The following NRG3 variants were observed in gnomAD, a reference collection of about 807,000 sequenced individuals.
NRG3 encodes the protein neuregulin 3.
NRG3 carries 31 observed loss-of-function variants against 66.9 expected under a neutral mutation model. The observed-to-expected ratio is 0.46, with a 90% confidence interval of 0.35 to 0.63. The LOEUF is 0.63. Among genes scored for constraint, NRG3 ranks in the 20% least tolerant of loss-of-function variants. The pLI is 0.00. For missense variants in NRG3, 910 were observed against 878.9 expected (o/e 1.04, Z -0.45); for synonymous variants, 393 against 359.4 (o/e 1.09, Z -1.06).
intron 1 of NRG3, among the ~76,000 whole-genome samples, chr10:82,131,972 A>G (rs1442118377): frequency 2.0e-5 from 3 of 152,100 alleles, no homozygotes; most frequent in Non-Finnish European, 2.9e-5. Context: ...AGATTATATC[A>G]TCTGCAAGCA....
At chr10:81,892,744 A>T (rs557017506) in intron 1 of NRG3, among the ~76,000 whole-genome samples, 1 of 152,224 alleles carries the variant, frequency 6.6e-6, no homozygotes, top group African/African-American at 2.4e-5. Flanking sequence ...AGTAAGAGCT[A>T]GTATTTACTA....
intron 6 of NRG3, among the ~76,000 whole-genome samples, chr10:82,960,442 T>C (rs986245141): frequency 6.6e-6 from 1 of 151,154 alleles, no homozygotes; most frequent in Non-Finnish European, 1.5e-5. Context: ...ACTGAACTTC[T>C]ATTTGTACGG....
At chr10:82,236,394 G>A (rs1344959492) in intron 1 of NRG3, among the ~76,000 whole-genome samples, 1 of 152,138 alleles carries the variant, frequency 6.6e-6, no homozygotes, top group Non-Finnish European at 1.5e-5. Flanking sequence ...TACCTGAATT[G>A]TAGTCTCCAG....
intron 1 of NRG3, among the ~76,000 whole-genome samples, chr10:82,138,285 G>A (rs7075863): frequency 0.29 from 44,709 of 151,942 alleles, 8,220 homozygotes; most frequent in African/African-American, 0.52. Flanking sequence ...TATGTCTTTA[G>A]AAAAGTACAA....
intron 1 of NRG3, among the ~76,000 whole-genome samples, chr10:82,161,964 C>G (rs1564621598): frequency 6.6e-6 from 1 of 152,052 alleles, no homozygotes; most frequent in Admixed American, 6.6e-5. Flanking sequence ...AACAAAGTGG[C>G]CCATCACTCT....
chr10:82,117,029 CCTACAG>C (rs1022686776), intron 1 of NRG3, among the ~76,000 whole-genome samples: 1 of 152,102 alleles, frequency 6.6e-6, no homozygotes, highest in Non-Finnish European at 1.5e-5. Flanking sequence ...ACAATGTACC[CCTACAG>C]CTCTTGCACA....
chr10:82,015,314 A>T (rs1192605269), intron 1 of NRG3, among the ~76,000 whole-genome samples: 2 of 152,176 alleles, frequency 1.3e-5, no homozygotes. Flanking sequence ...ACTTTTCTAG[A>T]TTTTCCCACA....
chr10:82,567,942 C>A (rs1048391598), intron 2 of NRG3, among the ~76,000 whole-genome samples: 5 of 151,880 alleles, frequency 3.3e-5, no homozygotes, highest in African/African-American at 1.2e-4. Context: ...ACAGTAAGGA[C>A]CATTGTAGTT....
At chr10:81,937,202 C>T (rs1421034109) in intron 1 of NRG3, among the ~76,000 whole-genome samples, 3 of 152,134 alleles carry the variant, frequency 2.0e-5, no homozygotes, top group Admixed American at 6.6e-5. Context: ...GTTGCTTCCA[C>T]CTCTTGGCTA....
At chr10:82,372,698 A>C (rs1000275126) in intron 2 of NRG3, among the ~76,000 whole-genome samples, 1 of 152,074 alleles carries the variant, frequency 6.6e-6, no homozygotes, top group Admixed American at 6.5e-5. Context: ...GGGTCAAGCA[A>C]TTCTCCTGCC....
intron 4 of NRG3, among the ~76,000 whole-genome samples, chr10:82,906,954 A>G (rs931740523): frequency 3.3e-5 from 5 of 152,236 alleles, no homozygotes; most frequent in Admixed American, 2.6e-4. Context: ...GGTCTTAATT[A>G]GTGATTATAA....
chr10:81,960,015 T>A (rs1266761931), intron 1 of NRG3, among the ~76,000 whole-genome samples: 1 of 152,206 alleles, frequency 6.6e-6, no homozygotes, highest in African/African-American at 2.4e-5. Flanking sequence ...TGTTTCTAGA[T>A]TTTCTAGGTG....
At chr10:82,762,619 G>A (rs1009712210) in intron 3 of NRG3, among the ~76,000 whole-genome samples, 3 of 152,150 alleles carry the variant, frequency 2.0e-5, no homozygotes, top group Non-Finnish European at 4.4e-5. Flanking sequence ...ATGCCTGTGT[G>A]TCTGTGTATA....
chr10:82,981,244 G>T (rs1209393858), intron 8 of NRG3, among the ~76,000 whole-genome samples: 1 of 152,144 alleles, frequency 6.6e-6, no homozygotes, highest in Admixed American at 6.5e-5. Flanking sequence ...CTGCGTGGTG[G>T]TGGTTTTGTT....
At chr10:81,948,424 T>C (rs1849038846) in intron 1 of NRG3, among the ~76,000 whole-genome samples, 1 of 152,190 alleles carries the variant, frequency 6.6e-6, no homozygotes, top group Non-Finnish European at 1.5e-5. Context: ...GATTATACAC[T>C]TTCTCTCTCA....
intron 1 of NRG3, among the ~76,000 whole-genome samples, chr10:81,984,744 G>A (rs1322312666): frequency 6.6e-6 from 1 of 151,908 alleles, no homozygotes; most frequent in Admixed American, 6.6e-5. Flanking sequence ...TATATCTATC[G>A]AGACAGATAG....
intron 1 of NRG3, among the ~76,000 whole-genome samples, chr10:82,169,705 G>C (rs1174849029): frequency 2.7e-5 from 4 of 150,876 alleles, no homozygotes; most frequent in Non-Finnish European, 4.4e-5. Flanking sequence ...TGCTCTCTCT[G>C]TAATATTTTT....
intron 1 of NRG3, among the ~76,000 whole-genome samples, chr10:81,991,496 G>A (rs2060738246): frequency 6.6e-6 from 1 of 152,084 alleles, no homozygotes; most frequent in Non-Finnish European, 1.5e-5. Flanking sequence ...TATTAATGTG[G>A]AAATAATCTG....
intron 1 of NRG3, among the ~76,000 whole-genome samples, chr10:81,957,431 T>A (rs1182346778): frequency 6.6e-6 from 1 of 152,190 alleles, no homozygotes; most frequent in African/African-American, 2.4e-5. Context: ...ATTTAAAATA[T>A]TTAAAATAGT....
Sources: allele counts gnomAD v4.1 joint callset (sites outside exome capture counted in the v4.1 genomes callset), GRCh38; gene constraint gnomAD v4.1.1; transcripts MANE v1.5; gene names NCBI Gene and HGNC (gene_info 2026-07-23, HGNC 2026-07-21).